Variants in ROBO1 observed in about 807,000 individuals in gnomAD.
ROBO1 encodes roundabout homolog 1.
Under a neutral mutation model 195.9 loss-of-function variants are expected in ROBO1, and 149 were observed. The ratio of observed to expected loss-of-function variants is 0.76; its 90% confidence interval spans 0.67 to 0.87. The LOEUF (loss-of-function observed/expected upper bound fraction) is 0.87, where lower values mean the gene tolerates loss of function less well. Ranked by LOEUF, ROBO1 falls within the 40% of genes least tolerant of loss-of-function variation. The pLI is 0.00. For missense variants in ROBO1, 1,933 were observed against 2,068.3 expected (o/e 0.93, Z 1.27); for synonymous variants, 816 against 733.2 (o/e 1.11, Z -1.82).
chr3:79,538,168 A>T (rs757335201), intron 2 of ROBO1, among the ~76,000 whole-genome samples: 1 of 152,140 alleles, frequency 6.6e-6, no homozygotes, highest in African/African-American at 2.4e-5. Context: ...ACATTATTAC[A>T]TGTGTGGCTG....
In ROBO1 at chr3:79,343,849, A is replaced by T. The variant is rs142367962; in HGVS notation, c.89-218310T>A. Among the ~76,000 whole-genome samples the T allele has an allele frequency of 3.1e-3, 475 of 152,266 alleles. 1 individual carries two copies. The highest frequency in any genetic ancestry group is 0.014 in the Middle Eastern group (4 of 294). On this transcript the variant is annotated intron_variant, in intron 2 of 30. Coordinates refer to ENST00000464233, the MANE Select transcript of ROBO1 (RefSeq NM_002941.4). The stretch of plus-strand genomic sequence containing the variant: ...TTAAAAAGGAGAGGAGGGTTTTGTC[A>T]ATTGTACACACTCTCTATGGTCCTT...
chr3:79,711,426 CAG>C (rs1702271794), intron 1 of ROBO1, among the ~76,000 whole-genome samples: 1 of 152,064 alleles, frequency 6.6e-6, no homozygotes, highest in Non-Finnish European at 1.5e-5. Flanking sequence ...AAATATAGCT[CAG>C]AAATCATTAT....
At chr3:79,395,041 C>T (rs1559868537) in intron 2 of ROBO1, among the ~76,000 whole-genome samples, 4 of 151,862 alleles carry the variant, frequency 2.6e-5, no homozygotes, top group South Asian at 2.1e-4. Flanking sequence ...ACAGTGAGAC[C>T]GGCCGGGCGC....
At chr3:79,020,660 C>T (rs753209437) in intron 3 of ROBO1, among the ~76,000 whole-genome samples, 1 of 152,174 alleles carries the variant, frequency 6.6e-6, no homozygotes, top group Non-Finnish European at 1.5e-5. Context: ...TGCCACTGCA[C>T]TCCAGCCTGG....
chr3:79,030,046 A>G (rs1458258089), intron 3 of ROBO1, among the ~76,000 whole-genome samples: 3 of 152,230 alleles, frequency 2.0e-5, no homozygotes, highest in African/African-American at 7.2e-5. Context: ...GCTAGACAAA[A>G]AGTATGATCA....
intron 4 of ROBO1, among the ~76,000 whole-genome samples, chr3:78,824,507 T>C (rs1049998422): frequency 5.3e-5 from 8 of 152,194 alleles, no homozygotes. Flanking sequence ...AAATGGCAAA[T>C]ATTGGCTCAA....
intron 1 of ROBO1, among the ~76,000 whole-genome samples, chr3:79,612,390 T>C (rs1208136251): frequency 5.4e-5 from 8 of 148,996 alleles, no homozygotes; most frequent in African/African-American, 2.0e-4. Context: ...TAGTATTCCA[T>C]GGTGTATATG....
Position 79,055,617 on chromosome 3 carries a change from A to G in ROBO1, c.172+69839T>C, listed in dbSNP as rs1052458704. 2.6e-5 allele frequency among the ~76,000 whole-genome samples: 4 copies of G among 151,980 alleles called. No homozygotes were observed. The East Asian group carries it at 5.8e-4, about 22-fold the overall frequency. Reference sequence around the variant, plus strand: ...TTTAGGGTAGAGATTTACTGGCACAATGGGGGGCTGAAATTAATATTCCAC... The same window carrying G: ...TTTAGGGTAGAGATTTACTGGCACAGTGGGGGGCTGAAATTAATATTCCAC... On this transcript the variant is annotated intron_variant, in intron 3 of 30. Transcript: ENST00000464233.
chr3:79,520,514 G>A (rs1486938371), intron 2 of ROBO1, among the ~76,000 whole-genome samples: 1 of 152,088 alleles, frequency 6.6e-6, no homozygotes, highest in South Asian at 2.1e-4. Context: ...TTCAGCCATG[G>A]CAAATGTTTA....
At chr3:79,364,511 TC>T (rs2035894511) in intron 2 of ROBO1, among the ~76,000 whole-genome samples, 1 of 152,010 alleles carries the variant, frequency 6.6e-6, no homozygotes, top group African/African-American at 2.4e-5. Flanking sequence ...AGGTTTTTTC[TC>T]CTTTCCTCTA....
At chr3:79,243,373 G>T (rs1338066228) in intron 2 of ROBO1, among the ~76,000 whole-genome samples, 1 of 152,030 alleles carries the variant, frequency 6.6e-6, no homozygotes, top group Non-Finnish European at 1.5e-5. Context: ...TGGTTCAAAT[G>T]GTATTTCTAG....
chr3:78,693,502 G>T, intron 8 of ROBO1: 1 of 578,920 alleles, frequency 1.7e-6, no homozygotes, highest in Non-Finnish European at 3.0e-6. Flanking sequence ...GGCTCACACT[G>T]TACATGGATG....
intron 21 of ROBO1, among the ~76,000 whole-genome samples, chr3:78,645,420 T>G (rs1706215553): frequency 6.7e-6 from 1 of 149,714 alleles, no homozygotes; most frequent in African/African-American, 2.5e-5. Context: ...TTTTTTTTTT[T>G]TACACTGTAA....
chr3:78,931,056 C>T (rs1295562668), intron 4 of ROBO1, among the ~76,000 whole-genome samples: 1 of 151,958 alleles, frequency 6.6e-6, no homozygotes, highest in Non-Finnish European at 1.5e-5. Context: ...CCTGGAATTT[C>T]CATGAAGACA....
intron 2 of ROBO1, among the ~76,000 whole-genome samples, chr3:79,329,169 C>T (rs1398155965): frequency 6.6e-6 from 1 of 152,120 alleles, no homozygotes; most frequent in Admixed American, 6.6e-5. Flanking sequence ...GGTTCCAGTT[C>T]TCTCTTTGGA....
chr3:79,191,772 A>T (rs1463538719), intron 2 of ROBO1, among the ~76,000 whole-genome samples: 1 of 151,490 alleles, frequency 6.6e-6, no homozygotes, highest in Admixed American at 6.6e-5. Context: ...TTTCTAAAAA[A>T]ATCAAAGGGT....
intron 2 of ROBO1, among the ~76,000 whole-genome samples, chr3:79,582,759 C>A (rs1342667254): frequency 6.6e-6 from 1 of 152,018 alleles, no homozygotes; most frequent in Non-Finnish European, 1.5e-5. Context: ...TTGTCTCTTT[C>A]TGAGAACATT....
intron 3 of ROBO1, among the ~76,000 whole-genome samples, chr3:79,050,649 A>T (rs2078679112): frequency 6.6e-6 from 1 of 152,214 alleles, no homozygotes; most frequent in South Asian, 2.1e-4. Context: ...AATTGACCAT[A>T]TAATTGGAAG....
intron 2 of ROBO1, among the ~76,000 whole-genome samples, chr3:79,296,152 TG>T (rs1357300908): frequency 6.6e-6 from 1 of 152,148 alleles, no homozygotes; most frequent in African/African-American, 2.4e-5. Context: ...TCTATAGGGA[TG>T]GGGAAACGTC....
Sources: allele counts gnomAD v4.1 joint callset (sites outside exome capture counted in the v4.1 genomes callset), GRCh38; gene constraint gnomAD v4.1.1; transcripts MANE v1.5; gene names NCBI Gene and HGNC (gene_info 2026-07-23, HGNC 2026-07-21).